Variants in LPP observed in about 807,000 individuals in gnomAD.
LPP encodes lipoma-preferred partner.
A neutral mutation model predicts 60.4 loss-of-function variants in LPP; 38 were observed. That is an observed-to-expected ratio of 0.63 (90% CI 0.49 to 0.83). The LOEUF (loss-of-function observed/expected upper bound fraction) is 0.83, where lower values mean the gene tolerates loss of function less well. Among genes scored for constraint, LPP ranks in the 40% least tolerant of loss-of-function variants. The pLI, the probability that LPP is intolerant of heterozygous loss-of-function variation, is 0.00. For synonymous variants in LPP, 328 were observed against 290.8 expected (o/e 1.13, Z -1.30); for missense variants, 902 against 783.6 (o/e 1.15, Z -1.80).
intron 2 of LPP, chr3:188,240,287 T>A (rs544586613): frequency 1.2e-5 from 2 of 169,162 alleles, no homozygotes; most frequent in South Asian, 2.0e-4. Flanking sequence ...AGGAATAGCT[T>A]ACAGCTTGCC....
intron 6 of LPP, among the ~76,000 whole-genome samples, chr3:188,563,883 A>ATT (rs1246337075): frequency 6.6e-6 from 1 of 151,748 alleles, no homozygotes; most frequent in African/African-American, 2.4e-5. Flanking sequence ...CTCTAAACAG[A>ATT]CACTTGTGGC....
rs1770735653 is a variant in LPP at position 188,886,803 on chromosome 3, T to G, written c.*12324T>G. ...AGCTGATCCTTCAGAAAATAAATCT[T>G]ATTTTTAAGCACTTGGGTTTTCAGG... On this transcript the variant is annotated 3_prime_UTR_variant, in exon 12 of 12. Transcript: ENST00000617246. 4.4e-6 allele frequency: 1 copy of G among 226,410 alleles called. No individual in the cohort carries two copies. Among genetic ancestry groups the G allele is most frequent in the Non-Finnish European group, 8.7e-6 (1 of 114,604 alleles). The allele number at this position is 226,410 out of a possible 1,614,324, so 14.0% of individuals were successfully genotyped here. A position where few individuals can be genotyped will look rare whatever the true frequency, so the allele number is the denominator to read the frequency against.
At chr3:188,677,604 A>G (rs1052505329) in intron 7 of LPP, among the ~76,000 whole-genome samples, 18 of 152,202 alleles carry the variant, frequency 1.2e-4, no homozygotes, top group African/African-American at 3.6e-4. Flanking sequence ...TAGAGATGAT[A>G]TAACAGAACT....
intron 7 of LPP, among the ~76,000 whole-genome samples, chr3:188,633,054 T>C (rs961798966): frequency 2.6e-5 from 4 of 152,230 alleles, no homozygotes; most frequent in Non-Finnish European, 5.9e-5. Flanking sequence ...TGTGACCTAG[T>C]GACAGAACCA....
At chr3:188,826,009 C>T (rs896707534) in intron 9 of LPP, among the ~76,000 whole-genome samples, 2 of 152,074 alleles carry the variant, frequency 1.3e-5, no homozygotes, top group Non-Finnish European at 2.9e-5. Flanking sequence ...TTCCTCCCTC[C>T]GCCCCCTCAG....
chr3:188,703,199 A>G (rs906717868), intron 7 of LPP, among the ~76,000 whole-genome samples: 1 of 152,246 alleles, frequency 6.6e-6, no homozygotes, highest in African/African-American at 2.4e-5. Context: ...TGAAGAAACG[A>G]GAAACAAAAA....
At chr3:188,245,591 A>C (rs903626631) in intron 2 of LPP, among the ~76,000 whole-genome samples, 1 of 152,110 alleles carries the variant, frequency 6.6e-6, no homozygotes, top group Non-Finnish European at 1.5e-5. Context: ...TCACCTATGC[A>C]ATAAAGACCA....
intron 4 of LPP, among the ~76,000 whole-genome samples, chr3:188,418,894 G>C: frequency 6.6e-6 from 1 of 152,080 alleles, no homozygotes; most frequent in East Asian, 1.9e-4. Context: ...TAGTTTTATT[G>C]ACATTACAAT....
chr3:188,796,806 G>T (rs936408264), intron 9 of LPP, among the ~76,000 whole-genome samples: 2 of 152,156 alleles, frequency 1.3e-5, no homozygotes, highest in African/African-American at 4.8e-5. Context: ...TTGAGAAATA[G>T]ATCTAGATCA....
chr3:188,447,482 T>G (rs547434509), intron 4 of LPP, among the ~76,000 whole-genome samples: 7 of 151,906 alleles, frequency 4.6e-5, no homozygotes, highest in Admixed American at 2.0e-4. Context: ...TGGTGGCAGG[T>G]GCCTGTAATC....
intron 3 of LPP, among the ~76,000 whole-genome samples, chr3:188,375,166 C>A (rs1474207095): frequency 6.6e-6 from 1 of 152,088 alleles, no homozygotes; most frequent in African/African-American, 2.4e-5. Flanking sequence ...GTCTAAAATT[C>A]TCTTTTTTGG....
intron 4 of LPP, among the ~76,000 whole-genome samples, chr3:188,430,268 T>C (rs961826677): frequency 6.6e-6 from 1 of 152,088 alleles, no homozygotes; most frequent in African/African-American, 2.4e-5. Context: ...AAAACTAAGA[T>C]TATTAAGAAA....
intron 2 of LPP, among the ~76,000 whole-genome samples, chr3:188,324,650 A>G (rs926110336): frequency 2.0e-5 from 3 of 152,112 alleles, no homozygotes; most frequent in African/African-American, 4.8e-5. Context: ...GTTACCATCC[A>G]TTGCCATGAC....
chr3:188,804,523 C>T (rs1435022276), intron 9 of LPP, among the ~76,000 whole-genome samples: 1 of 151,624 alleles, frequency 6.6e-6, no homozygotes, highest in Non-Finnish European at 1.5e-5. Flanking sequence ...AGTACTCACT[C>T]TTCGGTTTAT....
intron 7 of LPP, among the ~76,000 whole-genome samples, chr3:188,682,374 C>A (rs1188252704): frequency 6.6e-6 from 1 of 152,178 alleles, no homozygotes; most frequent in Non-Finnish European, 1.5e-5. Context: ...CCATCTCTTG[C>A]GTTTATTAGC....
At chr3:188,177,590 G>A (rs960514311) in intron 1 of LPP, among the ~76,000 whole-genome samples, 2 of 152,066 alleles carry the variant, frequency 1.3e-5, no homozygotes, top group African/African-American at 4.8e-5. Context: ...GGAGTTGGAG[G>A]ATCCCTGGGA....
chr3:188,253,780 T>A (rs1730738598), intron 2 of LPP, among the ~76,000 whole-genome samples: 1 of 152,216 alleles, frequency 6.6e-6, no homozygotes, highest in African/African-American at 2.4e-5. Context: ...AGATTATCTG[T>A]GCTTTCCCTC....
At chr3:188,755,809 C>CAAAAAAAAAAAAAAAAAAAAAAAAAA (rs58696911) in intron 8 of LPP, among the ~76,000 whole-genome samples, 1 of 73,994 alleles carries the variant, frequency 1.4e-5, no homozygotes, top group Non-Finnish European at 2.7e-5. Flanking sequence ...GATCCTGTCA[C>CAAAAAAAAAAAAAAAAAAAAAAAAAA]AAAAAAAAAA....
intron 3 of LPP, among the ~76,000 whole-genome samples, chr3:188,343,086 T>G (rs1365691435): frequency 6.6e-6 from 1 of 152,208 alleles, no homozygotes; most frequent in Non-Finnish European, 1.5e-5. Context: ...GGTATACATG[T>G]GCCATGGTGG....
Sources: gnomAD v4.1 joint callset for allele counts (sites outside exome capture counted in the v4.1 genomes callset) on GRCh38, gnomAD v4.1.1 for gene constraint, MANE v1.5 for transcripts, NCBI Gene and HGNC (gene_info 2026-07-23, HGNC 2026-07-21) for gene names.